APLP2: variants seen among roughly 807,000 people sequenced by gnomAD.
APLP2 encodes CDEI box-binding protein.
Under a neutral mutation model 89.9 loss-of-function variants are expected in APLP2, and 53 were observed. The observed-to-expected ratio is 0.59, with a 90% CI of 0.47 to 0.74. APLP2 has a LOEUF of 0.74. APLP2 is among the 30% of genes least tolerant of loss of function. APLP2 has a pLI of 0.00. For missense variants in APLP2, 973 were observed against 975.9 expected (o/e 1.00, Z 0.04); for synonymous variants, 372 against 348.6 (o/e 1.07, Z -0.75).
chr11:130,142,109 C>T, intron 16 of APLP2, 35 bp downstream of exon 16: 1 of 1,580,304 alleles, frequency 6.3e-7, no homozygotes, highest in South Asian at 1.1e-5. Flanking sequence ...CTGCTCTGCA[C>T]TGTGGGCTGG....
chr11:130,141,839 C>T lies in APLP2; in HGVS notation c.1999-80C>T, dbSNP rs1167846675. On this transcript the variant is annotated intron_variant, in intron 15 of 16. Transcript: ENST00000338167. The surrounding 1 kb of genome is among the most constrained non-coding windows in gnomAD (Gnocchi z 4.2). ...TTTTAGGGGCTCGACCTTCCAGGAG[C>T]GTGGCCCTCAGTGAGTTACTTGCCT... 10 of 1,511,444 alleles carry T rather than the reference C, an allele frequency of 6.6e-6. No individual in the cohort carries two copies. The highest frequency in any genetic ancestry group is 1.9e-5 in the Admixed American group (1 of 54,006). 93.6% of individuals were successfully genotyped at this position (1,511,444 alleles called of 1,614,324 possible). A position where few individuals can be genotyped will look rare whatever the true frequency, so the allele number is the denominator to read the frequency against.
chr11:130,113,742 G>A (rs1011577329), intron 3 of APLP2, among the ~76,000 whole-genome samples: 28 of 152,176 alleles, frequency 1.8e-4, no homozygotes, highest in Non-Finnish European at 4.1e-4. Flanking sequence ...TCCTTAGAAA[G>A]CCTTTTGATG....
At chr11:130,086,684 GA>G (rs1325577162) in intron 1 of APLP2, among the ~76,000 whole-genome samples, 2 of 152,108 alleles carry the variant, frequency 1.3e-5, no homozygotes, top group Non-Finnish European at 2.9e-5. Flanking sequence ...GATCCATTTT[GA>G]GTTCAGTTTT....
At chr11:130,092,779 C>T (rs1341489807) in intron 1 of APLP2, among the ~76,000 whole-genome samples, 2 of 151,766 alleles carry the variant, frequency 1.3e-5, no homozygotes, top group African/African-American at 2.4e-5. Context: ...ATACAGTTAA[C>T]GTATGAATAA....
At chr11:130,110,157 G>T (rs2135797839) in intron 2 of APLP2, among the ~76,000 whole-genome samples, 1 of 152,218 alleles carries the variant, frequency 6.6e-6, no homozygotes, top group South Asian at 2.1e-4. Context: ...ACAGGGCCAG[G>T]GTCAAGTTCT....
chr11:130,130,992 A>G (rs1185779514), intron 11 of APLP2, among the ~76,000 whole-genome samples: 1 of 152,264 alleles, frequency 6.6e-6, no homozygotes, highest in Non-Finnish European at 1.5e-5. Context: ...TCTCAGTGCC[A>G]GACTCCACAC....
chr11:130,083,542 TTA>T (rs1943596440), intron 1 of APLP2, among the ~76,000 whole-genome samples: 1 of 152,208 alleles, frequency 6.6e-6, no homozygotes, highest in Non-Finnish European at 1.5e-5. Context: ...GTGAATTTGA[TTA>T]TGTTAGATAT....
At chr11:130,093,264 A>G (rs929524527) in intron 1 of APLP2, among the ~76,000 whole-genome samples, 21 of 152,180 alleles carry the variant, frequency 1.4e-4, no homozygotes, top group African/African-American at 5.1e-4. Flanking sequence ...TGTGAATTAG[A>G]TGGCTTAGGA....
chr11:130,070,648 C>G, intron 1 of APLP2: 1 of 1,467,240 alleles, frequency 6.8e-7, no homozygotes, highest in Non-Finnish European at 9.0e-7. Flanking sequence ...CGCGCCAGGC[C>G]GCCCGCTGCT....
intron 1 of APLP2, among the ~76,000 whole-genome samples, chr11:130,091,777 C>T (rs1945293359): frequency 6.6e-6 from 1 of 150,502 alleles, no homozygotes; most frequent in South Asian, 2.1e-4. Context: ...GGCTGAACCC[C>T]CCACCTCCCT....
At chr11:130,095,169 G>A (rs890956734) in intron 1 of APLP2, among the ~76,000 whole-genome samples, 3 of 152,068 alleles carry the variant, frequency 2.0e-5, no homozygotes, top group Non-Finnish European at 4.4e-5. Context: ...AGGCTGAGGC[G>A]GAAGGATTGC....
intron 1 of APLP2, among the ~76,000 whole-genome samples, chr11:130,091,484 G>C (rs1422683086): frequency 2.4e-5 from 3 of 125,550 alleles, no homozygotes; most frequent in East Asian, 2.7e-4. Flanking sequence ...GCGGCTGGCC[G>C]GGCGGAGGGC....
At chr11:130,082,293 C>T (rs1334841442) in intron 1 of APLP2, among the ~76,000 whole-genome samples, 2 of 152,100 alleles carry the variant, frequency 1.3e-5, no homozygotes, top group Admixed American at 6.5e-5. Flanking sequence ...AAGCGATTCT[C>T]CTGCCTCAGC....
chr11:130,122,943 T>C (rs1949989828), intron 6 of APLP2, among the ~76,000 whole-genome samples: 4 of 152,126 alleles, frequency 2.6e-5, no homozygotes, highest in Non-Finnish European at 5.9e-5. Flanking sequence ...GATGTTTTAG[T>C]TGGGAGGGTG....
Position 130,141,940 on chromosome 11 carries a change from G to A in APLP2, c.2020G>A (p.Glu674Lys). Reference sequence around the variant, plus strand: ...GTAGGAATCCGTGGGCCCACTGCGGGAGGACTTCAGTCTGAGTAGCAGTGC... The same window carrying A: ...GTAGGAATCCGTGGGCCCACTGCGGAAGGACTTCAGTCTGAGTAGCAGTGC... ...EERESVGPLR[E>K]DFSLSSSALI... is the part of the protein sequence containing the mutation. The change falls in exon 16 of 17, where the codon GAG becomes AAG. Residue 674 changes from glutamate to lysine, a missense_variant. Transcript: ENST00000338167. The surrounding 1 kb of genome is among the most constrained non-coding windows in gnomAD (Gnocchi z 4.2). The A allele has an allele frequency of 1.2e-6, 2 of 1,608,050 alleles. No homozygotes were observed. Among genetic ancestry groups the A allele is most frequent in the Non-Finnish European group, 1.7e-6 (2 of 1,175,074 alleles).
At chr11:130,137,181 A>G in intron 13 of APLP2, 1 of 1,331,564 alleles carries the variant, frequency 7.5e-7, no homozygotes, top group African/African-American at 1.5e-5. Context: ...TAGAAATTTT[A>G]AAAGAAGCCA....
intron 11 of APLP2, among the ~76,000 whole-genome samples, chr11:130,130,635 T>A (rs1015356899): frequency 2.6e-5 from 4 of 152,216 alleles, no homozygotes; most frequent in Non-Finnish European, 5.9e-5. Flanking sequence ...TATATTAACT[T>A]GAGTTTTACT....
At chr11:130,133,085 T>A (rs553435566) in intron 11 of APLP2, among the ~76,000 whole-genome samples, 27 of 152,214 alleles carry the variant, frequency 1.8e-4, no homozygotes, top group African/African-American at 4.8e-4. Context: ...TGGAGCACTT[T>A]CCAGATAAAT....
intron 2 of APLP2, 183 bp downstream of exon 2, chr11:130,109,785 G>A (rs1262193341): frequency 5.3e-6 from 3 of 569,382 alleles, no homozygotes; most frequent in Non-Finnish European, 8.4e-6. Context: ...GGCTTTGCCT[G>A]CGTGTTCTGT....
Sources: gnomAD v4.1 joint callset for allele counts (sites outside exome capture counted in the v4.1 genomes callset) on GRCh38, gnomAD v4.1.1 for gene constraint, Gnocchi (gnomAD v3.1) non-coding constraint, MANE v1.5 for transcripts, NCBI Gene and HGNC (gene_info 2026-07-23, HGNC 2026-07-21) for gene names.